Variants in PDE4D observed in about 807,000 individuals in gnomAD.
The protein encoded by PDE4D is 3',5'-cyclic-AMP phosphodiesterase 4D.
PDE4D carries 24 observed loss-of-function variants against 87.4 expected under a neutral mutation model. That is an observed-to-expected ratio of 0.27 (90% CI 0.20 to 0.39). PDE4D has a LOEUF of 0.39. Among genes scored for constraint, PDE4D ranks in the 10% least tolerant of loss-of-function variants. The pLI is 1.00. For missense variants in PDE4D, 714 were observed against 1,041.0 expected, an observed-to-expected ratio of 0.69 and a Z score of 4.32; for synonymous variants, 384 against 383.2, an observed-to-expected ratio of 1.00 and a Z score of -0.02.
intron 2 of PDE4D, among the ~76,000 whole-genome samples, chr5:60,179,963 A>G (rs1365820829): frequency 6.6e-6 from 1 of 152,202 alleles, no homozygotes; most frequent in Non-Finnish European, 1.5e-5. Flanking sequence ...ATATTCATTA[A>G]CAATGCAACA....
chr5:60,410,790 T>G (rs1267339375), intron 1 of PDE4D, among the ~76,000 whole-genome samples: 2 of 152,226 alleles, frequency 1.3e-5, no homozygotes, highest in Non-Finnish European at 2.9e-5. Flanking sequence ...CTGCAGGTAT[T>G]GCCTCCATGT....
At chr5:59,744,981 T>C (rs1561580144) in intron 1 of PDE4D, among the ~76,000 whole-genome samples, 1 of 152,298 alleles carries the variant, frequency 6.6e-6, no homozygotes, top group African/African-American at 2.4e-5. Flanking sequence ...AAAAACAAGA[T>C]GGACATATGC....
chr5:60,366,325 C>G (rs1760539958), intron 1 of PDE4D, among the ~76,000 whole-genome samples: 1 of 151,956 alleles, frequency 6.6e-6, no homozygotes, highest in African/African-American at 2.4e-5. Context: ...CCTATTTACC[C>G]TCAAGTATAA....
chr5:60,126,201 TA>T (rs35748948), intron 2 of PDE4D, among the ~76,000 whole-genome samples: 515 of 132,870 alleles, frequency 3.9e-3, no homozygotes, highest in Non-Finnish European at 4.0e-3. Context: ...AGAGTTTTGC[TA>T]AAAAAAAAAA....
At chr5:60,056,214 C>T (rs1247803462) in intron 2 of PDE4D, among the ~76,000 whole-genome samples, 4 of 152,008 alleles carry the variant, frequency 2.6e-5, no homozygotes, top group South Asian at 2.1e-4. Flanking sequence ...CTTGAATGAA[C>T]CCATCGCAGC....
chr5:60,416,899 T>G (rs755250623), intron 1 of PDE4D, among the ~76,000 whole-genome samples: 4 of 152,148 alleles, frequency 2.6e-5, no homozygotes, highest in Admixed American at 2.6e-4. Flanking sequence ...GAAATAAATA[T>G]GTAATATATA....
chr5:59,971,851 A>T (rs1581977525), intron 3 of PDE4D, among the ~76,000 whole-genome samples: 1 of 152,186 alleles, frequency 6.6e-6, no homozygotes, highest in Non-Finnish European at 1.5e-5. Context: ...TTTGCAAACA[A>T]TAGAAATGAT....
intron 1 of PDE4D, among the ~76,000 whole-genome samples, chr5:59,714,622 T>C (rs1452825855): frequency 6.6e-6 from 1 of 152,248 alleles, no homozygotes; most frequent in Non-Finnish European, 1.5e-5. Flanking sequence ...AGTGCCACTA[T>C]GTGGTGGACT....
At chr5:59,041,530 A>T (rs1759684013) in intron 5 of PDE4D, among the ~76,000 whole-genome samples, 1 of 152,182 alleles carries the variant, frequency 6.6e-6, no homozygotes, top group Admixed American at 6.5e-5. Context: ...TGATCATTTG[A>T]GCTGTCCATA....
chr5:59,941,762 T>C (rs542054358), intron 3 of PDE4D, among the ~76,000 whole-genome samples: 1 of 152,152 alleles, frequency 6.6e-6, no homozygotes, highest in South Asian at 2.1e-4. Context: ...CTCTAATATC[T>C]TCTATATTTA....
intron 1 of PDE4D, among the ~76,000 whole-genome samples, chr5:59,325,254 T>A (rs1292016615): frequency 1.3e-5 from 2 of 152,114 alleles, no homozygotes; most frequent in African/African-American, 4.8e-5. Flanking sequence ...AACAACATAT[T>A]TACCTAAACT....
intron 2 of PDE4D, among the ~76,000 whole-genome samples, chr5:60,077,282 G>A (rs1186955837): frequency 6.6e-6 from 1 of 152,180 alleles, no homozygotes; most frequent in Non-Finnish European, 1.5e-5. Flanking sequence ...ATCCTGGTGG[G>A]GTAAGGAAGG....
chr5:59,733,132 G>A (rs1421670774), intron 1 of PDE4D, among the ~76,000 whole-genome samples: 5 of 152,066 alleles, frequency 3.3e-5, no homozygotes, highest in Admixed American at 2.0e-4. Flanking sequence ...AGGATGAAAA[G>A]GTCAGCTCCA....
At chr5:60,341,544 G>A (rs1274919192) in intron 1 of PDE4D, among the ~76,000 whole-genome samples, 1 of 152,154 alleles carries the variant, frequency 6.6e-6, no homozygotes, top group Non-Finnish European at 1.5e-5. Context: ...TGAATATCAG[G>A]ATTAAAATTC....
intron 1 of PDE4D, chr5:59,218,039 G>C (rs1425769957): frequency 2.1e-6 from 1 of 472,822 alleles, no homozygotes; most frequent in Non-Finnish European, 4.2e-6. Flanking sequence ...ATTTAAGAAG[G>C]TTTTTGAAGG....
chr5:59,530,575 C>A (rs1377778964), intron 1 of PDE4D, among the ~76,000 whole-genome samples: 1 of 151,788 alleles, frequency 6.6e-6, no homozygotes, highest in Non-Finnish European at 1.5e-5. Flanking sequence ...CAAGAAAAGT[C>A]TGTACATGTT....
At chr5:59,552,518 G>A (rs1818289029) in intron 1 of PDE4D, among the ~76,000 whole-genome samples, 1 of 151,900 alleles carries the variant, frequency 6.6e-6, no homozygotes, top group Non-Finnish European at 1.5e-5. Context: ...ACGTCTTATT[G>A]CTTATAACTA....
Position 59,587,649 on chromosome 5 carries a change from A to G in PDE4D, c.455+305519T>C, listed in dbSNP as rs960478187. On this transcript the variant is annotated intron_variant, in intron 1 of 14. Transcript: ENST00000340635. Reference sequence around the variant, plus strand: ...CTGCAGCAGCCTGGCTCAGCTGCAGAGACTGCTGCCTGACAGGGGATGTGC... The same window carrying G: ...CTGCAGCAGCCTGGCTCAGCTGCAGGGACTGCTGCCTGACAGGGGATGTGC... The G allele has an allele frequency of 5.1e-6, 5 of 982,556 alleles. No homozygotes were observed. In the African/African-American group the frequency reaches 8.7e-5, roughly 17 times the overall value. 60.9% of individuals were successfully genotyped at this position (982,556 alleles called of 1,614,324 possible).
intron 2 of PDE4D, among the ~76,000 whole-genome samples, chr5:60,005,005 G>C (rs1160710768): frequency 1.3e-5 from 2 of 152,066 alleles, no homozygotes; most frequent in Non-Finnish European, 2.9e-5. Context: ...CTGCACTGTC[G>C]TCTTCATTGC....
Sources: gnomAD v4.1 joint callset for allele counts (sites outside exome capture counted in the v4.1 genomes callset) on GRCh38, gnomAD v4.1.1 for gene constraint, MANE v1.5 for transcripts, NCBI Gene and HGNC (gene_info 2026-07-23, HGNC 2026-07-21) for gene names.